The following FANCC variants were observed in gnomAD, a reference collection of about 807,000 sequenced individuals.
FANCC encodes the protein Fanconi anemia group C protein.
In FANCC, 55 loss-of-function variants were observed where a neutral mutation model predicts 71.3. The ratio of observed to expected loss-of-function variants is 0.77; its 90% CI spans 0.62 to 0.97. The LOEUF (loss-of-function observed/expected upper bound fraction) is 0.97, where lower values mean the gene tolerates loss of function less well. Ranked by LOEUF, FANCC falls within the 50% of genes least tolerant of loss-of-function variation. The pLI, the probability that FANCC is intolerant of heterozygous loss-of-function variation, is 0.00. For synonymous variants in FANCC, 275 were observed against 244.9 expected, an observed-to-expected ratio of 1.12 and a Z score of -1.15; for missense variants, 678 against 670.9, an observed-to-expected ratio of 1.01 and a Z score of -0.12.
At chr9:95,200,054 A>G (rs1242860318) in intron 4 of FANCC, among the ~76,000 whole-genome samples, 1 of 152,210 alleles carries the variant, frequency 6.6e-6, no homozygotes, top group Non-Finnish European at 1.5e-5. Flanking sequence ...AATTCAGAGG[A>G]TAAACCTCTC....
chr9:95,242,108 A>T (rs1001045256), intron 3 of FANCC, among the ~76,000 whole-genome samples: 1 of 152,228 alleles, frequency 6.6e-6, no homozygotes, highest in Non-Finnish European at 1.5e-5. Flanking sequence ...TACATAGCTT[A>T]TGCTTTTCCA....
rs147980572 is a variant in FANCC, at chr9:95,226,439, G to C, written c.345+14210C>G. Among the ~76,000 whole-genome samples, 211 of 152,308 alleles carry C rather than the reference G, an allele frequency of 1.4e-3. 1 individual carries two copies. The highest frequency in any genetic ancestry group is 4.8e-3 in the African/African-American group (199 of 41,546). On this transcript the variant is annotated intron_variant, in intron 4 of 14. Transcript: ENST00000289081. ...CCAAAAGGCAGTGAGGAAGGCAGAGGAGAAGACAGCGTCTCCCCGGGCAGC... is the reference window on the plus strand; with the variant it reads ...CCAAAAGGCAGTGAGGAAGGCAGAGCAGAAGACAGCGTCTCCCCGGGCAGC...
chr9:95,186,714 C>T (rs1434925130), intron 4 of FANCC: 2 of 151,802 alleles, frequency 1.3e-5, no homozygotes, highest in Non-Finnish European at 2.9e-5. Flanking sequence ...TAAGAATCTG[C>T]ACAGCCCACT....
intron 10 of FANCC, among the ~76,000 whole-genome samples, chr9:95,120,464 G>C (rs1003348839): frequency 6.6e-6 from 1 of 151,214 alleles, no homozygotes; most frequent in Non-Finnish European, 1.5e-5. Context: ...TTCCAGGCTG[G>C]AGTGCAGTGG....
intron 13 of FANCC, among the ~76,000 whole-genome samples, chr9:95,108,139 G>GT (rs967141739): frequency 3.3e-5 from 5 of 151,970 alleles, no homozygotes; most frequent in Non-Finnish European, 5.9e-5. Flanking sequence ...TGTGTGAGGC[G>GT]TTTTTTTTCC....
intron 13 of FANCC, among the ~76,000 whole-genome samples, chr9:95,108,311 C>T (rs546181036): frequency 6.6e-6 from 1 of 152,358 alleles, no homozygotes; most frequent in Admixed American, 6.5e-5. Context: ...CTCACTCTCC[C>T]CACCTCGCCC....
intron 6 of FANCC, among the ~76,000 whole-genome samples, chr9:95,166,609 TA>T (rs1190104074): frequency 2.6e-5 from 4 of 152,194 alleles, no homozygotes; most frequent in Admixed American, 2.0e-4. Flanking sequence ...ATACCAGAAT[TA>T]AAAAGTGATT....
At chr9:95,238,729 C>A (rs1367297808) in intron 4 of FANCC, among the ~76,000 whole-genome samples, 1 of 152,040 alleles carries the variant, frequency 6.6e-6, no homozygotes, top group African/African-American at 2.4e-5. Flanking sequence ...CCATTCCTGG[C>A]TAATTTTTTG....
At chr9:95,117,630 T>A (rs1027084426) in intron 10 of FANCC, among the ~76,000 whole-genome samples, 14 of 152,094 alleles carry the variant, frequency 9.2e-5, no homozygotes, top group African/African-American at 3.4e-4. Context: ...GATGTCTTTA[T>A]GAGTTCTACT....
rs1831049786 is a variant in FANCC at position 95,247,343 on chromosome 9, A to C, written c.250+89T>G. On this transcript the variant is annotated intron_variant, in intron 3 of 14. Transcript: ENST00000289081. ...TAAGTTGTTCCATTAAAAAAAAAAA[A>C]CTAGGAGAAAGGTTCATAATGTAAG... The C allele has an allele frequency of 7.3e-6, 7 of 960,548 alleles. 1 individual carries two copies. Among genetic ancestry groups the C allele is most frequent in the Non-Finnish European group, 9.9e-6 (6 of 608,886 alleles). The allele number at this position is 960,548 out of a possible 1,614,324, so 59.5% of individuals were successfully genotyped here.
In FANCC at chr9:95,099,980, A is replaced by G. The variant is rs4647557; in HGVS notation, c.*1727T>C. On this transcript the variant is annotated 3_prime_UTR_variant, in exon 15 of 15. Transcript: ENST00000289081. Reference sequence around the variant, plus strand: ...ACTGTCCCAGGAGTCCCTCCACAACAGGAGGCCTGGTCCCAGTGGCCCCTC... The same window carrying G: ...ACTGTCCCAGGAGTCCCTCCACAACGGGAGGCCTGGTCCCAGTGGCCCCTC... The G allele has an allele frequency of 2.6e-5, 6 of 232,166 alleles. No homozygotes were observed. Among genetic ancestry groups the G allele is most frequent in the Non-Finnish European group, 5.1e-5 (6 of 117,452 alleles). The allele number at this position is 232,166 out of a possible 1,614,324, so 14.4% of individuals were successfully genotyped here.
chr9:95,161,430 CAG>C (rs1310735538), intron 6 of FANCC, among the ~76,000 whole-genome samples: 10 of 152,202 alleles, frequency 6.6e-5, no homozygotes, highest in Admixed American at 6.5e-4. Flanking sequence ...CTACAGTAAA[CAG>C]AGCACTCATC....
At chr9:95,165,528 G>A (rs1460583704) in intron 6 of FANCC, among the ~76,000 whole-genome samples, 1 of 151,854 alleles carries the variant, frequency 6.6e-6, no homozygotes, top group Non-Finnish European at 1.5e-5. Flanking sequence ...TGTGTTTCTT[G>A]TAATTTGTTC....
At chr9:95,192,022 T>A (rs1416329421) in intron 4 of FANCC, among the ~76,000 whole-genome samples, 1 of 152,224 alleles carries the variant, frequency 6.6e-6, no homozygotes, top group Non-Finnish European at 1.5e-5. Context: ...AAACAATTTT[T>A]ATGAGTAAGA....
At chr9:95,250,399 G>T (rs1263126342) in intron 1 of FANCC, among the ~76,000 whole-genome samples, 1 of 151,876 alleles carries the variant, frequency 6.6e-6, no homozygotes, top group East Asian at 1.9e-4. Flanking sequence ...AACAAAGGAG[G>T]TTCCCATTAC....
chr9:95,178,825 A>G (rs1826172511), intron 4 of FANCC, among the ~76,000 whole-genome samples: 1 of 152,250 alleles, frequency 6.6e-6, no homozygotes, highest in Non-Finnish European at 1.5e-5. Flanking sequence ...GCGTTAAAAT[A>G]TAATTTTAAT....
At chr9:95,286,777 G>A (rs906698130) in intron 1 of FANCC, among the ~76,000 whole-genome samples, 2 of 152,186 alleles carry the variant, frequency 1.3e-5, no homozygotes, top group Non-Finnish European at 2.9e-5. Context: ...TTCCTGGCAC[G>A]TGCAAAGGCT....
At chr9:95,258,806 A>G (rs1397073675) in intron 1 of FANCC, among the ~76,000 whole-genome samples, 1 of 152,218 alleles carries the variant, frequency 6.6e-6, no homozygotes, top group Non-Finnish European at 1.5e-5. Context: ...GTCTCAGCCC[A>G]AAATTTCCTT....
chr9:95,145,241 A>T (rs901681439), intron 7 of FANCC: 4 of 152,232 alleles, frequency 2.6e-5, no homozygotes, highest in Non-Finnish European at 5.9e-5. Context: ...ACACAATGAA[A>T]ATCTATTTGA....
Sources: allele counts gnomAD v4.1 joint callset (sites outside exome capture counted in the v4.1 genomes callset), GRCh38; gene constraint gnomAD v4.1.1; transcripts MANE v1.5; gene names NCBI Gene and HGNC (gene_info 2026-07-23, HGNC 2026-07-21).